Variants in MGST1 observed in about 807,000 individuals in gnomAD.
MGST1 encodes the protein glutathione S-transferase 12.
MGST1 carries 5 observed loss-of-function variants against 8.9 expected under a neutral mutation model. The ratio of observed to expected loss-of-function variants is 0.56; its 90% confidence interval spans 0.29 to 1.19. MGST1 has a LOEUF of 1.19. Ranked by LOEUF, MGST1 falls within the 50% of genes most tolerant of loss-of-function variation. MGST1 has a pLI of 0.08. For synonymous variants in MGST1, 54 were observed against 67.8 expected (o/e 0.80, Z 1.00); for missense variants, 182 against 187.4 (o/e 0.97, Z 0.17).
chr12:16,390,228 A>G (rs1940539565), intron 1 of MGST1, among the ~76,000 whole-genome samples: 1 of 152,228 alleles, frequency 6.6e-6, no homozygotes, highest in South Asian at 2.1e-4. Flanking sequence ...TTAAAATATT[A>G]AACTGGGTAG....
chr12:16,360,449 A>T, intron 3 of MGST1: 1 of 768,888 alleles, frequency 1.3e-6, no homozygotes, highest in Non-Finnish European at 1.6e-6. Flanking sequence ...TTAAGGTAAT[A>T]TGTGTTGAAA....
At chr12:16,402,543 ACTT>A (rs1940666807) in intron 1 of MGST1, 6 of 800,568 alleles carry the variant, frequency 7.5e-6, no homozygotes, top group Non-Finnish European at 1.2e-5. Flanking sequence ...AGCTACTAAC[ACTT>A]CTTATGCTAC....
chr12:16,460,663 T>C (rs1941211911), intron 4 of MGST1, among the ~76,000 whole-genome samples: 1 of 151,526 alleles, frequency 6.6e-6, no homozygotes, highest in Non-Finnish European at 1.5e-5. Context: ...TCCAGTTTAA[T>C]AACTTCTAAC....
Position 16,517,644 on chromosome 12 carries a change from A to G in MGST1, n.483-71884A>G, listed in dbSNP as rs1476919771. Among the ~76,000 whole-genome samples, 2 of 152,220 alleles carry G rather than the reference A, an allele frequency of 1.3e-5. No homozygotes were observed. Among genetic ancestry groups the G allele is most frequent in the Non-Finnish European group, 2.9e-5 (2 of 68,038 alleles). On this transcript the variant is annotated intron_variant and non_coding_transcript_variant, in intron 4 of 4. Transcript: ENST00000538857. The surrounding 1 kb of genome is among the most constrained non-coding windows in gnomAD (Gnocchi z 4.2). ...AACCAAGACAGCAGGTAAGCAAATCATGGAACAATGGCCATGACAGAGTGT... is the reference window on the plus strand; with the variant it reads ...AACCAAGACAGCAGGTAAGCAAATCGTGGAACAATGGCCATGACAGAGTGT...
intron 4 of MGST1, among the ~76,000 whole-genome samples, chr12:16,493,830 T>C (rs4321004): frequency 0.2 from 29,904 of 152,138 alleles, 3,143 homozygotes; most frequent in Middle Eastern, 0.36. Context: ...GAGATATGGA[T>C]AGGACTCTTC....
intron 4 of MGST1, among the ~76,000 whole-genome samples, chr12:16,564,145 G>GTCTA (rs1340327414): frequency 6.6e-6 from 1 of 151,752 alleles, no homozygotes; most frequent in Admixed American, 6.6e-5. Flanking sequence ...ACCTCATTTT[G>GTCTA]TCTATCTAAA....
At chr12:16,408,527 C>G (rs1591719689) in intron 1 of MGST1, among the ~76,000 whole-genome samples, 1 of 152,258 alleles carries the variant, frequency 6.6e-6, no homozygotes, top group East Asian at 1.9e-4. Flanking sequence ...TGAAAGCTAT[C>G]AGACCAACTG....
rs1414541263 is a variant in MGST1 at position 16,399,860 on chromosome 12, A to G, written n.778+16256A>G. ...GCTGTAGTCCTTGTAGACAATTACC[A>G]TATCAAAGTTCTTCAGGTGAAACTG... On this transcript the variant is annotated intron_variant and non_coding_transcript_variant, in intron 1 of 1. Coordinates refer to the MGST1 transcript ENST00000359720. 6 of 1,229,352 alleles carry G rather than the reference A, an allele frequency of 4.9e-6. No homozygotes were observed. The East Asian group carries it at 7.0e-5, about 14-fold the overall frequency. The allele number at this position is 1,229,352 out of a possible 1,614,324, so 76.2% of individuals were successfully genotyped here.
chr12:16,523,307 T>C (rs954439251), intron 4 of MGST1, among the ~76,000 whole-genome samples: 3 of 152,104 alleles, frequency 2.0e-5, no homozygotes, highest in African/African-American at 7.2e-5. Flanking sequence ...TTTGAGAAAG[T>C]CGTAACATAT....
At chr12:16,538,621 T>C (rs1941772069) in intron 4 of MGST1, among the ~76,000 whole-genome samples, 2 of 150,924 alleles carry the variant, frequency 1.3e-5, no homozygotes, top group South Asian at 4.2e-4. Context: ...TTTTTTTTTT[T>C]TTTTTGAGAC....
intron 1 of MGST1, among the ~76,000 whole-genome samples, chr12:16,394,211 AATG>A (rs1940578443): frequency 6.6e-6 from 1 of 152,196 alleles, no homozygotes; most frequent in Non-Finnish European, 1.5e-5. Context: ...CAAATTAGTG[AATG>A]ATTAATAGTA....
intron 4 of MGST1, among the ~76,000 whole-genome samples, chr12:16,509,073 T>A (rs1941559309): frequency 6.6e-6 from 1 of 152,156 alleles, no homozygotes; most frequent in Non-Finnish European, 1.5e-5. Flanking sequence ...TTAAAGCAAT[T>A]TCTTGTTGTC....
chr12:16,377,564 G>T (rs1035908697), downstream of MGST1, among the ~76,000 whole-genome samples: 2 of 151,954 alleles, frequency 1.3e-5, no homozygotes, highest in African/African-American at 4.8e-5. Flanking sequence ...CATTTAGGTT[G>T]GTTCCAAGTC....
At chr12:16,512,106 C>A (rs971525170) in intron 4 of MGST1, among the ~76,000 whole-genome samples, 5 of 152,054 alleles carry the variant, frequency 3.3e-5, no homozygotes, top group Non-Finnish European at 5.9e-5. Flanking sequence ...TGTCAGCATG[C>A]AGCTAAAATA....
chr12:16,497,168 G>A lies in MGST1; in HGVS notation n.483-92360G>A, dbSNP rs148893720. Reference sequence around the variant, plus strand: ...CTTTGCTGTCGGAATCAAATGTTTGGCATTTTAGGAAATTTCTTCTCAAGG... The same window carrying A: ...CTTTGCTGTCGGAATCAAATGTTTGACATTTTAGGAAATTTCTTCTCAAGG... On this transcript the variant is annotated intron_variant and non_coding_transcript_variant, in intron 4 of 4. Coordinates refer to the MGST1 transcript ENST00000538857. The surrounding 1 kb of genome is among the most constrained non-coding windows in gnomAD (Gnocchi z 4.4). Among the ~76,000 whole-genome samples, 7 of 152,210 alleles carry A rather than the reference G, an allele frequency of 4.6e-5. No individual in the cohort carries two copies. In the East Asian group the frequency reaches 1.3e-3, roughly 29 times the overall value.
chr12:16,478,310 G>A (rs1228508116), intron 4 of MGST1, among the ~76,000 whole-genome samples: 1 of 152,164 alleles, frequency 6.6e-6, no homozygotes, highest in East Asian at 1.9e-4. Context: ...TTACAGGCGT[G>A]AGTCACCACG....
rs956014171 is a variant in MGST1, at chr12:16,369,560, G to A, written c.222-6562G>A. 4.6e-5 allele frequency among the ~76,000 whole-genome samples: 7 copies of A among 152,086 alleles called. No individual in the cohort carries two copies. The highest frequency in any genetic ancestry group is 1.0e-4 in the Non-Finnish European group (7 of 68,010). ...GTGCTCAGCAAACTATGGACTCTGG[G>A]CCAAATACAGCCCATGGGCTGTTTT... On this transcript the variant is annotated intron_variant, in intron 3 of 3. Coordinates refer to the MGST1 transcript ENST00000535309. This position sits in a 1 kb window ranked among gnomAD's most constrained non-coding sequence, Gnocchi z 4.8.
chr12:16,460,959 CT>C (rs949379578), intron 4 of MGST1, among the ~76,000 whole-genome samples: 11 of 151,732 alleles, frequency 7.2e-5, no homozygotes, highest in African/African-American at 2.7e-4. Flanking sequence ...ATTATGTGAC[CT>C]TTTTGCAGAG....
intron 4 of MGST1, among the ~76,000 whole-genome samples, chr12:16,569,016 A>G (rs1942717985): frequency 6.6e-6 from 1 of 152,218 alleles, no homozygotes; most frequent in African/African-American, 2.4e-5. Context: ...TCATAATCTG[A>G]AATAGATGAC....
Sources: allele counts gnomAD v4.1 joint callset (sites outside exome capture counted in the v4.1 genomes callset), GRCh38; gene constraint gnomAD v4.1.1; non-coding constraint Gnocchi (gnomAD v3.1); transcripts MANE v1.5; gene names NCBI Gene and HGNC (gene_info 2026-07-23, HGNC 2026-07-21).